The following ELSPBP1 variants were observed in gnomAD, a reference collection of about 807,000 sequenced individuals.
The protein encoded by ELSPBP1 is epididymal sperm binding protein 1, also known as epididymal sperm-binding protein 1.
ELSPBP1 carries 38 observed loss-of-function variants against 33.3 expected under a neutral mutation model. That is an observed-to-expected ratio of 1.14 (90% confidence interval 0.88 to 1.50). ELSPBP1 has a LOEUF of 1.50. Among genes scored for constraint, ELSPBP1 ranks in the 40% most tolerant of loss-of-function variants. The probability of loss-of-function intolerance (pLI) is 0.00; values close to 1 mark genes in which losing one functional copy is unlikely to be tolerated. For missense variants in ELSPBP1, 267 were observed against 263.5 expected (o/e 1.01, Z -0.09); for synonymous variants, 85 against 94.1 (o/e 0.90, Z 0.56).
chr19:48,014,932 G>C (rs1967115752), intron 3 of ELSPBP1, among the ~76,000 whole-genome samples: 2 of 152,188 alleles, frequency 1.3e-5, no homozygotes, highest in South Asian at 4.1e-4. Context: ...AATTTTCTAA[G>C]TTAATAAGGA....
intron 6 of ELSPBP1, among the ~76,000 whole-genome samples, chr19:48,022,602 T>G (rs1967213862): frequency 6.6e-6 from 1 of 152,044 alleles, no homozygotes; most frequent in South Asian, 2.1e-4. Context: ...AATTGGGATT[T>G]CCCCCAGAAG....
chr19:48,019,371 C>A (rs1026257250), intron 4 of ELSPBP1, among the ~76,000 whole-genome samples: 1 of 151,962 alleles, frequency 6.6e-6, no homozygotes, highest in Admixed American at 6.6e-5. Context: ...TTGACACAAT[C>A]GATATTTATG....
At chr19:48,016,397 C>T (rs896724255) in intron 4 of ELSPBP1, among the ~76,000 whole-genome samples, 3 of 151,860 alleles carry the variant, frequency 2.0e-5, no homozygotes, top group African/African-American at 4.8e-5. Flanking sequence ...TGCTTCCTTC[C>T]TTCCTTTCCT....
chr19:48,006,653 GA>G (rs1214323431), intron 1 of ELSPBP1, among the ~76,000 whole-genome samples: 2 of 125,652 alleles, frequency 1.6e-5, no homozygotes, highest in African/African-American at 6.0e-5. Flanking sequence ...AAAAAGAAAA[GA>G]AAAAGAAAAT....
At chr19:48,018,460 C>T (rs1284231166) in intron 4 of ELSPBP1, among the ~76,000 whole-genome samples, 1 of 152,146 alleles carries the variant, frequency 6.6e-6, no homozygotes, top group Non-Finnish European at 1.5e-5. Context: ...GTTTCCCTTA[C>T]CATCTATGTG....
intron 1 of ELSPBP1, among the ~76,000 whole-genome samples, chr19:48,003,059 C>T (rs371545949): frequency 2.0e-5 from 3 of 152,082 alleles, no homozygotes; most frequent in Non-Finnish European, 4.4e-5. Flanking sequence ...CCAACCACCC[C>T]GGGGCTCAGG....
chr19:48,022,319 T>C lies in ELSPBP1; in HGVS notation c.664T>C (p.Tyr222His). 6.2e-7 allele frequency: 1 copy of C among 1,610,562 alleles called. No homozygotes were observed. The highest frequency in any genetic ancestry group is 8.5e-7 in the Non-Finnish European group (1 of 1,178,510). ...CTACGACCAAGACCACACCTGGGTG[T>C]ATTGCTGATGCTGAGGTGAGAGCAG... ...YNYDQDHTWV[Y>H]C Residue 222 changes from tyrosine (Y) to histidine (H), a missense_variant, in exon 6 of 7, where the codon TAT becomes CAT. Physicochemically the swap from Tyr to His is moderately conservative, Grantham distance 83. Coordinates refer to ENST00000339841, the MANE Select transcript of ELSPBP1 (RefSeq NM_022142.5).
At chr19:47,997,104 C>G (rs1318509583) in intron 1 of ELSPBP1, among the ~76,000 whole-genome samples, 1 of 152,212 alleles carries the variant, frequency 6.6e-6, no homozygotes, top group Non-Finnish European at 1.5e-5. Context: ...GAAACATCCA[C>G]ACAGGTTTTT....
At chr19:47,997,550 A>G (rs559185307) in intron 1 of ELSPBP1, among the ~76,000 whole-genome samples, 3 of 152,258 alleles carry the variant, frequency 2.0e-5, no homozygotes, top group South Asian at 2.1e-4. Flanking sequence ...ACAATTGTAT[A>G]TATTTATTGA....
In ELSPBP1 at chr19:48,002,768, G is replaced by A. The variant is rs143156583; in HGVS notation, c.-17-5883G>A. Among the ~76,000 whole-genome samples, 1,434 of 151,476 alleles carry A rather than the reference G, an allele frequency of 9.5e-3. 42 individuals carry two copies. Among genetic ancestry groups the A allele is most frequent in the Admixed American group, 0.068 (1,034 of 15,146 alleles). ...GATCGTGCCACTGCACTCCAGCTTG[G>A]GGTGCAGAGCAAGACTTCATCTCAA... On this transcript the variant is annotated intron_variant, in intron 1 of 6. Transcript: ENST00000339841.
chr19:48,018,595 A>C (rs541889329), intron 4 of ELSPBP1, among the ~76,000 whole-genome samples: 1 of 152,340 alleles, frequency 6.6e-6, no homozygotes, highest in East Asian at 1.9e-4. Context: ...TATTCCATAC[A>C]ATAATCTCTA....
intron 5 of ELSPBP1, among the ~76,000 whole-genome samples, 162 bp from the exon 6 acceptor site, chr19:48,022,008 A>G (rs1179060453): frequency 2.0e-5 from 3 of 152,068 alleles, no homozygotes; most frequent in Non-Finnish European, 4.4e-5. Context: ...CAGCCTCACA[A>G]CTGAGCTGGG....
intron 4 of ELSPBP1, among the ~76,000 whole-genome samples, chr19:48,016,430 T>C (rs904025831): frequency 6.7e-5 from 10 of 149,528 alleles, no homozygotes; most frequent in African/African-American, 2.0e-4. Context: ...CTCCCTCCCT[T>C]CCTCCCTCCC....
intron 1 of ELSPBP1, among the ~76,000 whole-genome samples, chr19:47,999,345 T>C (rs1464437117): frequency 6.6e-6 from 1 of 151,964 alleles, no homozygotes; most frequent in Non-Finnish European, 1.5e-5. Context: ...CCATTATCTA[T>C]TTCCAGGAAC....
intron 1 of ELSPBP1, among the ~76,000 whole-genome samples, chr19:48,002,708 C>T (rs1025342538): frequency 6.6e-6 from 1 of 152,236 alleles, no homozygotes; most frequent in Non-Finnish European, 1.5e-5. Context: ...AAGAGAATTG[C>T]TTGAACCGGG....
chr19:48,014,061 C>A, intron 2 of ELSPBP1, 110 bp from the exon 3 acceptor site: 2 of 1,279,064 alleles, frequency 1.6e-6, no homozygotes, highest in Non-Finnish European at 2.2e-6. Context: ...GCGGCGGGGG[C>A]AGGGAGGGAA....
rs373312661 is a variant in ELSPBP1, at chr19:48,022,267, C to T, written c.612C>T (p.Asn204=). 77 of 1,613,782 alleles carry T rather than the reference C, an allele frequency of 4.8e-5. No homozygotes were observed. The South Asian group carries it at 5.1e-4, about 11-fold the overall frequency. Reference sequence around the variant, plus strand: ...GCACTAACGAAGGATCAAAGGAGAACCTTGTGTGGTGTGCAACTTCTTACA... The same window carrying T: ...GCACTAACGAAGGATCAAAGGAGAATCTTGTGTGGTGTGCAACTTCTTACA... The part of the protein sequence containing the change: ...FNCTNEGSKE[N]LVWCATSYNY... The change falls in exon 6 of 7, where the codon AAC becomes AAT. Residue 204 remains asparagine, a synonymous_variant. Transcript: ENST00000339841.
chr19:48,005,202 C>CA (rs564622240), intron 1 of ELSPBP1, among the ~76,000 whole-genome samples: 1,753 of 118,068 alleles, frequency 0.015, 11 homozygotes, highest in African/African-American at 0.017. Context: ...GACCCTGTCT[C>CA]AAAAAAAAAA....
chr19:48,001,688 A>G (rs190498328), intron 1 of ELSPBP1, among the ~76,000 whole-genome samples: 3 of 151,762 alleles, frequency 2.0e-5, no homozygotes, highest in Admixed American at 2.0e-4. Flanking sequence ...GACTACAGGC[A>G]TGTGCCACCA....
Sources: gnomAD v4.1 joint callset for allele counts (sites outside exome capture counted in the v4.1 genomes callset) on GRCh38, gnomAD v4.1.1 for gene constraint, MANE v1.5 for transcripts, NCBI Gene and HGNC (gene_info 2026-07-23, HGNC 2026-07-21) for gene names.